Variants in CDH12 observed in about 807,000 individuals in gnomAD.
The protein encoded by CDH12 is cadherin-12.
In CDH12, 41 loss-of-function variants were observed where a neutral mutation model predicts 74.1. The observed-to-expected ratio is 0.55, with a 90% confidence interval of 0.43 to 0.72. The LOEUF is 0.72. Among genes scored for constraint, CDH12 ranks in the 30% least tolerant of loss-of-function variants. The pLI is 0.00. For synonymous variants in CDH12, 399 were observed against 355.0 expected (o/e 1.12, Z -1.39); for missense variants, 945 against 977.2 (o/e 0.97, Z 0.44).
intron 3 of CDH12, among the ~76,000 whole-genome samples, chr5:22,394,277 A>G (rs1742362789): frequency 6.6e-6 from 1 of 152,174 alleles, no homozygotes; most frequent in Admixed American, 6.6e-5. Flanking sequence ...AATGATATGA[A>G]TCACTGTGAT....
intron 2 of CDH12, among the ~76,000 whole-genome samples, chr5:22,483,772 T>TATATATATATA (rs1746482099): frequency 8.6e-5 from 1 of 11,676 alleles, no homozygotes; most frequent in Non-Finnish European, 2.1e-4. Flanking sequence ...ATAAATTTAA[T>TATATATATATA]TAATTGGGCA....
intron 6 of CDH12, among the ~76,000 whole-genome samples, chr5:21,861,973 T>G (rs532956587): frequency 6.6e-6 from 1 of 151,958 alleles, no homozygotes; most frequent in Non-Finnish European, 1.5e-5. Flanking sequence ...GTATTATATC[T>G]GTGTCTATCT....
intron 5 of CDH12, among the ~76,000 whole-genome samples, chr5:21,983,871 C>T (rs978416846): frequency 6.6e-5 from 10 of 151,972 alleles, no homozygotes; most frequent in African/African-American, 2.2e-4. Flanking sequence ...ACACATATAC[C>T]GCAGATACAT....
intron 6 of CDH12, chr5:21,883,012 G>A: frequency 5.0e-6 from 8 of 1,608,060 alleles, no homozygotes; most frequent in Non-Finnish European, 6.8e-6. Context: ...GTGGAAATCA[G>A]GAGAGGTGTG....
rs539783329 is a variant in CDH12, at chr5:22,241,494, C to T, written c.-332-28851G>A. On this transcript the variant is annotated intron_variant, in intron 3 of 14. Coordinates refer to ENST00000382254, the MANE Select transcript of CDH12 (RefSeq NM_004061.5). ...TGAATTAGATTACACAAATATTTCTCAGATTTTTTATAGTCTATAGTTTGT... is the reference window on the plus strand; with the variant it reads ...TGAATTAGATTACACAAATATTTCTTAGATTTTTTATAGTCTATAGTTTGT... Among the ~76,000 whole-genome samples the T allele has an allele frequency of 1.3e-4, 20 of 151,992 alleles. No individual in the cohort carries two copies. In the South Asian group the frequency reaches 4.1e-3, roughly 32 times the overall value.
intron 2 of CDH12, among the ~76,000 whole-genome samples, chr5:22,444,421 T>C (rs1025014208): frequency 6.6e-6 from 1 of 152,126 alleles, no homozygotes; most frequent in Non-Finnish European, 1.5e-5. Flanking sequence ...ATTACCTTCA[T>C]CAAAACTTTA....
chr5:22,333,172 T>C (rs1046748587), intron 3 of CDH12, among the ~76,000 whole-genome samples: 19 of 152,120 alleles, frequency 1.2e-4, no homozygotes, highest in African/African-American at 4.6e-4. Flanking sequence ...TGCAGGGACA[T>C]GGATAAAGCT....
intron 1 of CDH12, among the ~76,000 whole-genome samples, chr5:22,602,842 T>C (rs1382977424): frequency 6.6e-6 from 1 of 152,156 alleles, no homozygotes; most frequent in Non-Finnish European, 1.5e-5. Flanking sequence ...TTATAAATAT[T>C]TGAATGCTGT....
At chr5:21,800,865 C>A (rs1326644081) in intron 10 of CDH12, among the ~76,000 whole-genome samples, 1 of 152,144 alleles carries the variant, frequency 6.6e-6, no homozygotes, top group Non-Finnish European at 1.5e-5. Context: ...CACGTTGTGT[C>A]TTGCCTGCTG....
chr5:22,335,439 G>T (rs1461676022), intron 3 of CDH12, among the ~76,000 whole-genome samples: 1 of 152,026 alleles, frequency 6.6e-6, no homozygotes, highest in East Asian at 1.9e-4. Context: ...CAAAGAATTG[G>T]CCAGACGTGG....
chr5:22,085,464 A>T (rs2150232231), intron 4 of CDH12, among the ~76,000 whole-genome samples: 1 of 152,280 alleles, frequency 6.6e-6, no homozygotes, highest in East Asian at 1.9e-4. Flanking sequence ...TATGGGTAGC[A>T]TTCTAATACT....
At chr5:22,227,826 T>C (rs1752246981) in intron 3 of CDH12, among the ~76,000 whole-genome samples, 1 of 152,112 alleles carries the variant, frequency 6.6e-6, no homozygotes, top group African/African-American at 2.4e-5. Flanking sequence ...CCTTCCTCAT[T>C]TGGAAACAGA....
chr5:22,338,769 T>C (rs890381038), intron 3 of CDH12, among the ~76,000 whole-genome samples: 76 of 152,290 alleles, frequency 5.0e-4, no homozygotes, highest in African/African-American at 1.8e-3. Flanking sequence ...GTGGCAAAGA[T>C]GATGGAGTGT....
At chr5:22,620,521 C>CA (rs1410784072) in intron 1 of CDH12, among the ~76,000 whole-genome samples, 2 of 150,670 alleles carry the variant, frequency 1.3e-5, no homozygotes, top group African/African-American at 4.9e-5. Flanking sequence ...ATTGTTTGAG[C>CA]AAAAATACCA....
At chr5:21,821,903 TTTTA>T (rs1293296388) in intron 8 of CDH12, among the ~76,000 whole-genome samples, 1 of 151,974 alleles carries the variant, frequency 6.6e-6, no homozygotes. Flanking sequence ...TGTATCAATA[TTTTA>T]TTTTTTTAAA....
intron 1 of CDH12, among the ~76,000 whole-genome samples, chr5:22,548,799 C>T (rs577919105): frequency 1.2e-4 from 18 of 152,142 alleles, no homozygotes; most frequent in South Asian, 2.1e-4. Context: ...CAGTTTCTCA[C>T]GGTGGCTATT....
intron 5 of CDH12, among the ~76,000 whole-genome samples, chr5:22,049,019 A>G (rs929039873): frequency 1.3e-5 from 2 of 152,140 alleles, no homozygotes; most frequent in Non-Finnish European, 2.9e-5. Context: ...TATATAATTT[A>G]TAGTTTGTTG....
At chr5:22,535,620 C>A (rs775262169) in intron 1 of CDH12, among the ~76,000 whole-genome samples, 8 of 152,148 alleles carry the variant, frequency 5.3e-5, no homozygotes, top group African/African-American at 9.7e-5. Flanking sequence ...AAGCTTAATT[C>A]TATTATGCTA....
At chr5:22,045,372 T>C (rs1401803214) in intron 5 of CDH12, among the ~76,000 whole-genome samples, 1 of 152,082 alleles carries the variant, frequency 6.6e-6, no homozygotes, top group Non-Finnish European at 1.5e-5. Context: ...GGGAAAACAG[T>C]AAGGAGGCTT....
Sources: gnomAD v4.1 joint callset for allele counts (sites outside exome capture counted in the v4.1 genomes callset) on GRCh38, gnomAD v4.1.1 for gene constraint, MANE v1.5 for transcripts, NCBI Gene and HGNC (gene_info 2026-07-23, HGNC 2026-07-21) for gene names.